Variants in SLC25A21 observed in about 807,000 individuals in gnomAD.
SLC25A21 encodes the protein mitochondrial 2-oxodicarboxylate carrier.
In SLC25A21, 47 loss-of-function variants were observed where a neutral mutation model predicts 43.8. The ratio of observed to expected loss-of-function variants is 1.07; its 90% CI spans 0.85 to 1.37. The LOEUF (loss-of-function observed/expected upper bound fraction) is 1.37, where lower values mean the gene tolerates loss of function less well. Ranked by LOEUF, SLC25A21 falls within the 40% of genes most tolerant of loss-of-function variation. The pLI, the probability that SLC25A21 is intolerant of heterozygous loss-of-function variation, is 0.00. For synonymous variants in SLC25A21, 131 were observed against 121.3 expected (o/e 1.08, Z -0.52); for missense variants, 352 against 350.2 (o/e 1.00, Z -0.04).
At chr14:37,089,279 T>C (rs2138848183) in intron 1 of SLC25A21, among the ~76,000 whole-genome samples, 1 of 152,010 alleles carries the variant, frequency 6.6e-6, no homozygotes, top group East Asian at 1.9e-4. Context: ...TAACAAAACA[T>C]ATATATATAT....
intron 1 of SLC25A21, among the ~76,000 whole-genome samples, chr14:36,931,511 T>C (rs1403851523): frequency 6.6e-6 from 1 of 152,038 alleles, no homozygotes; most frequent in African/African-American, 2.4e-5. Flanking sequence ...GTGGGGGTGG[T>C]ATGGAAGGCA....
intron 1 of SLC25A21, among the ~76,000 whole-genome samples, chr14:36,959,413 G>C (rs985137889): frequency 5.3e-5 from 8 of 152,140 alleles, no homozygotes; most frequent in Non-Finnish European, 4.4e-5. Context: ...CTCTCCCACT[G>C]ACTGCAGGTG....
intron 6 of SLC25A21, among the ~76,000 whole-genome samples, chr14:36,715,014 GAT>G (rs1188914916): frequency 5.3e-5 from 8 of 152,266 alleles, no homozygotes; most frequent in Non-Finnish European, 1.2e-4. Context: ...ACATGCCTAA[GAT>G]AAAATGCTGC....
intron 1 of SLC25A21, among the ~76,000 whole-genome samples, chr14:37,141,776 A>C (rs1963574968): frequency 6.6e-6 from 1 of 152,210 alleles, no homozygotes; most frequent in Non-Finnish European, 1.5e-5. Flanking sequence ...TCTAGATTGC[A>C]CTGACTTTAT....
intron 3 of SLC25A21, among the ~76,000 whole-genome samples, chr14:36,784,235 C>T (rs1284975334): frequency 2.0e-5 from 3 of 152,184 alleles, no homozygotes; most frequent in Non-Finnish European, 4.4e-5. Context: ...CACATTTGAT[C>T]TCCATTGACT....
chr14:36,766,566 C>T (rs777033795), intron 3 of SLC25A21, among the ~76,000 whole-genome samples: 4 of 152,152 alleles, frequency 2.6e-5, no homozygotes, highest in Admixed American at 6.5e-5. Context: ...TCCAATTTAT[C>T]TCCTTTTCTT....
intron 1 of SLC25A21, among the ~76,000 whole-genome samples, chr14:36,978,289 G>C (rs1018301708): frequency 1.3e-5 from 2 of 152,140 alleles, no homozygotes; most frequent in Non-Finnish European, 2.9e-5. Context: ...CTACAATAAG[G>C]TGAGTCACAC....
At chr14:36,709,816 TAAAAA>T (rs373872868) in intron 7 of SLC25A21, among the ~76,000 whole-genome samples, 1 of 145,498 alleles carries the variant, frequency 6.9e-6, no homozygotes, top group Non-Finnish European at 1.5e-5. Flanking sequence ...GTTTTATGAC[TAAAAA>T]AAAAAGCCCT....
At chr14:36,748,396 A>C (rs1011696659) in intron 3 of SLC25A21, among the ~76,000 whole-genome samples, 1 of 152,150 alleles carries the variant, frequency 6.6e-6, no homozygotes, top group African/African-American at 2.4e-5. Context: ...AAAAGTGCCC[A>C]AGTCCTTATT....
intron 1 of SLC25A21, among the ~76,000 whole-genome samples, chr14:37,096,659 T>C (rs1316214149): frequency 2.0e-5 from 3 of 152,064 alleles, no homozygotes; most frequent in Non-Finnish European, 2.9e-5. Flanking sequence ...GACACTGTAA[T>C]GTATTTTTCA....
At chr14:36,810,323 C>T (rs1489121575) in intron 3 of SLC25A21, among the ~76,000 whole-genome samples, 1 of 152,136 alleles carries the variant, frequency 6.6e-6, no homozygotes, top group Non-Finnish European at 1.5e-5. Flanking sequence ...TCCCAAAACA[C>T]ACATGAATTG....
chr14:37,150,153 C>T (rs1015911407), intron 1 of SLC25A21, among the ~76,000 whole-genome samples: 2 of 152,108 alleles, frequency 1.3e-5, no homozygotes, highest in African/African-American at 2.4e-5. Context: ...ATAAAACCTA[C>T]GTGTTTGGCA....
At chr14:36,749,589 A>G (rs991324944) in intron 3 of SLC25A21, among the ~76,000 whole-genome samples, 2 of 152,172 alleles carry the variant, frequency 1.3e-5, no homozygotes, top group African/African-American at 4.8e-5. Flanking sequence ...GAGCAGGCAC[A>G]CTGCTCCCCT....
intron 3 of SLC25A21, among the ~76,000 whole-genome samples, chr14:36,791,754 T>A (rs1887492395): frequency 6.6e-6 from 1 of 152,154 alleles, no homozygotes; most frequent in Non-Finnish European, 1.5e-5. Flanking sequence ...CCACCCCGCT[T>A]TGCTCTCCAA....
At chr14:37,051,644 A>G (rs1961708609) in intron 1 of SLC25A21, among the ~76,000 whole-genome samples, 1 of 152,190 alleles carries the variant, frequency 6.6e-6, no homozygotes, top group Non-Finnish European at 1.5e-5. Context: ...CTACTTCAAT[A>G]CCGAGGGATG....
At chr14:37,005,018 C>T (rs1960568870) in intron 1 of SLC25A21, among the ~76,000 whole-genome samples, 1 of 151,022 alleles carries the variant, frequency 6.6e-6, no homozygotes, top group Non-Finnish European at 1.5e-5. Context: ...CAGAGCCCAG[C>T]TGTGGGTCTC....
chr14:36,839,894 A>G (rs1889328750), intron 2 of SLC25A21, among the ~76,000 whole-genome samples: 1 of 152,242 alleles, frequency 6.6e-6, no homozygotes, highest in African/African-American at 2.4e-5. Flanking sequence ...AAATATATAA[A>G]CATGGAAAGA....
At chr14:37,068,342 G>A (rs1327702675) in intron 1 of SLC25A21, among the ~76,000 whole-genome samples, 1 of 152,154 alleles carries the variant, frequency 6.6e-6, no homozygotes, top group African/African-American at 2.4e-5. Flanking sequence ...TATAAAATGG[G>A]TGTGATAATT....
chr14:36,859,586 A>G (rs848044), intron 2 of SLC25A21, among the ~76,000 whole-genome samples: 60,813 of 151,942 alleles, frequency 0.4, 12,535 homozygotes, highest in South Asian at 0.48. Flanking sequence ...AGGCTCAACT[A>G]TCCTGGGTTC....
Sources: allele counts gnomAD v4.1 joint callset (sites outside exome capture counted in the v4.1 genomes callset), GRCh38; gene constraint gnomAD v4.1.1; transcripts MANE v1.5; gene names NCBI Gene and HGNC (gene_info 2026-07-23, HGNC 2026-07-21).